Variants in DIAPH3 observed in about 807,000 individuals in gnomAD.
The protein encoded by DIAPH3 is diaphanous related formin 3.
Under a neutral mutation model 144.3 loss-of-function variants are expected in DIAPH3, and 117 were observed. That is an observed-to-expected ratio of 0.81 (90% CI 0.70 to 0.95). The LOEUF (loss-of-function observed/expected upper bound fraction) is 0.95, where lower values mean the gene tolerates loss of function less well. Ranked by LOEUF, DIAPH3 falls within the 40% of genes least tolerant of loss-of-function variation. DIAPH3 has a pLI of 0.00. For missense variants in DIAPH3, 1,421 were observed against 1,412.7 expected, an observed-to-expected ratio of 1.01 and a Z score of -0.09; for synonymous variants, 519 against 488.9, an observed-to-expected ratio of 1.06 and a Z score of -0.81.
At chr13:60,031,909 A>C (rs1475992366) in intron 5 of DIAPH3, among the ~76,000 whole-genome samples, 1 of 151,946 alleles carries the variant, frequency 6.6e-6, no homozygotes, top group East Asian at 1.9e-4. Flanking sequence ...ATGCCCAGCT[A>C]ATTTTTGTAT....
intron 1 of DIAPH3, among the ~76,000 whole-genome samples, chr13:60,136,673 C>A (rs1339189662): frequency 6.6e-6 from 1 of 152,090 alleles, no homozygotes; most frequent in East Asian, 1.9e-4. Context: ...CGGCGGCTCA[C>A]GCCTGTAATC....
At chr13:59,904,828 G>A (rs2046639262) in intron 20 of DIAPH3, among the ~76,000 whole-genome samples, 1 of 151,784 alleles carries the variant, frequency 6.6e-6, no homozygotes, top group African/African-American at 2.4e-5. Context: ...AACATATAAG[G>A]AGCTCTTACA....
At chr13:60,154,014 A>G (rs1210803867) in intron 1 of DIAPH3, among the ~76,000 whole-genome samples, 1 of 152,084 alleles carries the variant, frequency 6.6e-6, no homozygotes. Context: ...TCAGATCAGA[A>G]CTCTGCATCA....
chr13:60,048,378 C>A (rs1041275702), intron 4 of DIAPH3, among the ~76,000 whole-genome samples: 3 of 152,120 alleles, frequency 2.0e-5, no homozygotes, highest in Admixed American at 6.5e-5. Context: ...AGTAATAAGA[C>A]AAATTAATAA....
chr13:60,125,393 A>T (rs1218935229), intron 2 of DIAPH3, among the ~76,000 whole-genome samples: 1 of 86,292 alleles, frequency 1.2e-5, no homozygotes, highest in East Asian at 5.1e-4. Flanking sequence ...ACACCCAGCT[A>T]ATTTTTTTTT....
intron 27 of DIAPH3, among the ~76,000 whole-genome samples, chr13:59,699,895 T>G (rs1361839846): frequency 6.6e-6 from 1 of 152,212 alleles, no homozygotes; most frequent in African/African-American, 2.4e-5. Context: ...ACCTTAAATG[T>G]GAACACTTCC....
At chr13:60,115,024 G>C (rs572969601) in intron 2 of DIAPH3, among the ~76,000 whole-genome samples, 1 of 152,226 alleles carries the variant, frequency 6.6e-6, no homozygotes, top group Admixed American at 6.5e-5. Context: ...ATACATTGCT[G>C]TATGTTAAAT....
At chr13:59,754,146 T>C (rs1238179843) in intron 27 of DIAPH3, among the ~76,000 whole-genome samples, 1 of 152,214 alleles carries the variant, frequency 6.6e-6, no homozygotes, top group East Asian at 1.9e-4. Context: ...TTCTGCTCTC[T>C]ACTTCTGATA....
intron 4 of DIAPH3, among the ~76,000 whole-genome samples, chr13:60,075,361 C>T (rs577554611): frequency 6.6e-6 from 1 of 152,140 alleles, no homozygotes; most frequent in African/African-American, 2.4e-5. Flanking sequence ...CTTTTTATTT[C>T]TTCTAACTTT....
chr13:59,853,201 T>A (rs376597742), intron 22 of DIAPH3, among the ~76,000 whole-genome samples: 1 of 152,200 alleles, frequency 6.6e-6, no homozygotes, highest in Non-Finnish European at 1.5e-5. Flanking sequence ...GTTTCTCCTA[T>A]CATATAATGT....
rs537242775 is a variant in DIAPH3 at position 60,073,909 on chromosome 13, T to C, written c.495+19719A>G. ...TTCCTAATTGAAATGTGGTCCATGTTATCAGGCCATCTGCACTGTGGCAAA... is the reference window on the plus strand; with the variant it reads ...TTCCTAATTGAAATGTGGTCCATGTCATCAGGCCATCTGCACTGTGGCAAA... On this transcript the variant is annotated intron_variant, in intron 4 of 27. Transcript: ENST00000400324. Among the ~76,000 whole-genome samples the C allele has an allele frequency of 3.9e-5, 6 of 152,348 alleles. No homozygotes were observed. The South Asian group carries it at 1.2e-3, about 32-fold the overall frequency.
At chr13:59,772,092 T>G (rs1272476394) in intron 27 of DIAPH3, among the ~76,000 whole-genome samples, 1 of 152,064 alleles carries the variant, frequency 6.6e-6, no homozygotes, top group Non-Finnish European at 1.5e-5. Flanking sequence ...TACATTTCAA[T>G]CACATAGTTC....
chr13:59,852,248 T>C (rs938214216), intron 22 of DIAPH3, among the ~76,000 whole-genome samples: 2 of 152,206 alleles, frequency 1.3e-5, no homozygotes, highest in African/African-American at 4.8e-5. Context: ...AAAGGACGAT[T>C]ACCCAATATC....
intron 21 of DIAPH3, among the ~76,000 whole-genome samples, chr13:59,868,431 T>C (rs953511458): frequency 3.3e-5 from 5 of 152,166 alleles, no homozygotes; most frequent in African/African-American, 1.2e-4. Flanking sequence ...TTTAGAGCAA[T>C]TTTAGCTTTA....
intron 16 of DIAPH3, 125 bp downstream of exon 16, chr13:59,970,727 A>G (rs2050317310): frequency 1.2e-6 from 1 of 860,430 alleles, no homozygotes; most frequent in South Asian, 2.4e-5. Flanking sequence ...TGACATTAGA[A>G]ATTATGTATA....
At chr13:59,772,086 T>C (rs993013881) in intron 27 of DIAPH3, among the ~76,000 whole-genome samples, 1 of 152,052 alleles carries the variant, frequency 6.6e-6, no homozygotes, top group Non-Finnish European at 1.5e-5. Flanking sequence ...CAATCTTACA[T>C]TTCAATCACA....
intron 2 of DIAPH3, among the ~76,000 whole-genome samples, chr13:60,126,383 T>C (rs1419132225): frequency 6.6e-6 from 1 of 152,174 alleles, no homozygotes; most frequent in Non-Finnish European, 1.5e-5. Context: ...TAAAAATTAT[T>C]TGTGATTTTA....
chr13:60,022,382 T>C (rs373833495), intron 5 of DIAPH3, among the ~76,000 whole-genome samples: 13 of 152,322 alleles, frequency 8.5e-5, no homozygotes, highest in African/African-American at 2.9e-4. Flanking sequence ...ATATTAACTA[T>C]AGGATTTTTG....
At chr13:59,848,265 C>T (rs143450195) in intron 22 of DIAPH3, among the ~76,000 whole-genome samples, 102 of 151,054 alleles carry the variant, frequency 6.8e-4, no homozygotes, top group African/African-American at 2.4e-3. Context: ...CAAAACCTTC[C>T]GTGGCTTTTG....
Sources: gnomAD v4.1 joint callset for allele counts (sites outside exome capture counted in the v4.1 genomes callset) on GRCh38, gnomAD v4.1.1 for gene constraint, MANE v1.5 for transcripts, NCBI Gene and HGNC (gene_info 2026-07-23, HGNC 2026-07-21) for gene names.